Variants in GNAQ observed in about 807,000 individuals in gnomAD.
The protein encoded by GNAQ is guanine nucleotide-binding protein G(q) subunit alpha.
A neutral mutation model predicts 43.9 loss-of-function variants in GNAQ; 8 were observed. The observed-to-expected ratio is 0.18, with a 90% CI of 0.11 to 0.33. The LOEUF is 0.33. GNAQ is among the 10% of genes least tolerant of loss of function. The pLI is 1.00. For synonymous variants in GNAQ, 155 were observed against 170.7 expected (o/e 0.91, Z 0.71); for missense variants, 158 against 450.8 (o/e 0.35, Z 5.88).
chr9:78,009,608 A>C (rs1823749444), intron 1 of GNAQ, among the ~76,000 whole-genome samples: 1 of 152,194 alleles, frequency 6.6e-6, no homozygotes, highest in African/African-American at 2.4e-5. Context: ...AAACTTCCCT[A>C]TCTTTACTGA....
intron 1 of GNAQ, among the ~76,000 whole-genome samples, chr9:78,023,330 T>C (rs1823934802): frequency 6.6e-6 from 1 of 152,216 alleles, no homozygotes; most frequent in South Asian, 2.1e-4. Flanking sequence ...CACAGCCACA[T>C]GATGTCTCAC....
chr9:77,764,605 G>A (rs925731046), intron 5 of GNAQ, among the ~76,000 whole-genome samples: 2 of 151,944 alleles, frequency 1.3e-5, no homozygotes, highest in South Asian at 2.1e-4. Context: ...ACAGGTGCCC[G>A]CCACCATGCC....
At chr9:77,796,237 G>C (rs182808273) in intron 4 of GNAQ, among the ~76,000 whole-genome samples, 1 of 152,274 alleles carries the variant, frequency 6.6e-6, no homozygotes, top group African/African-American at 2.4e-5. Flanking sequence ...AGCCAGATTT[G>C]ACCTCAGGTA....
chr9:77,840,609 T>A (rs1030320482), intron 2 of GNAQ, among the ~76,000 whole-genome samples: 5 of 152,174 alleles, frequency 3.3e-5, no homozygotes, highest in Non-Finnish European at 7.4e-5. Flanking sequence ...AGTGCTGGGA[T>A]TACAGGAGTG....
intron 2 of GNAQ, among the ~76,000 whole-genome samples, chr9:77,838,570 A>T (rs950749389): frequency 6.6e-6 from 1 of 151,782 alleles, no homozygotes; most frequent in African/African-American, 2.4e-5. Flanking sequence ...CTGCCTCATG[A>T]TGGGAAATAG....
rs531761233 is a variant in GNAQ at position 77,792,980 on chromosome 9, C to G, written c.735+1483G>C. Among the ~76,000 whole-genome samples, 20 of 152,032 alleles carry G rather than the reference C, an allele frequency of 1.3e-4. No individual in the cohort carries two copies. In the South Asian group the frequency reaches 4.2e-3, roughly 32 times the overall value. ...CCCCATTTTTGTGTCTTTTTAGATA[C>G]TCTGGTACCCAGCATATAGTAGGGA... On this transcript the variant is annotated intron_variant, in intron 5 of 6. Coordinates refer to ENST00000286548, the MANE Select transcript of GNAQ (RefSeq NM_002072.5).
chr9:77,995,157 A>G (rs958013082), intron 1 of GNAQ, among the ~76,000 whole-genome samples: 3 of 152,242 alleles, frequency 2.0e-5, no homozygotes, highest in East Asian at 1.9e-4. Flanking sequence ...ATATGAATGT[A>G]TGAGATAGCA....
intron 3 of GNAQ, among the ~76,000 whole-genome samples, chr9:77,804,855 A>G (rs933633541): frequency 2.3e-4 from 35 of 152,264 alleles, no homozygotes; most frequent in Non-Finnish European, 5.9e-5. Flanking sequence ...TATTGAAAAG[A>G]AGGTTAGAAA....
In GNAQ at chr9:77,901,236, C is replaced by T. The variant is rs373212958; in HGVS notation, c.321+20925G>A. 1.6e-4 allele frequency among the ~76,000 whole-genome samples: 24 copies of T among 152,246 alleles called. No homozygotes were observed. In the South Asian group the frequency reaches 2.3e-3, roughly 14 times the overall value. On this transcript the variant is annotated intron_variant, in intron 2 of 6. Coordinates refer to ENST00000286548, the MANE Select transcript of GNAQ (RefSeq NM_002072.5). ...ACACAAACTCCTATCACATCTGTTT[C>T]CTGCCCAAGGGCTCTTGGGCAGCCT...
At chr9:77,756,302 G>T (rs1254614427) in intron 5 of GNAQ, among the ~76,000 whole-genome samples, 1 of 152,172 alleles carries the variant, frequency 6.6e-6, no homozygotes, top group Non-Finnish European at 1.5e-5. Flanking sequence ...TTACAAGCTG[G>T]GTGGGAACCA....
At chr9:77,894,651 G>A (rs1427479483) in intron 2 of GNAQ, among the ~76,000 whole-genome samples, 1 of 151,084 alleles carries the variant, frequency 6.6e-6, no homozygotes, top group Non-Finnish European at 1.5e-5. Context: ...TAGATCCCTT[G>A]ACCTTGTGAT....
intron 2 of GNAQ, among the ~76,000 whole-genome samples, chr9:77,848,860 C>T (rs1267010992): frequency 6.6e-6 from 1 of 152,088 alleles, no homozygotes; most frequent in Non-Finnish European, 1.5e-5. Flanking sequence ...ACAAGCAACA[C>T]TAAAAATACA....
intron 2 of GNAQ, among the ~76,000 whole-genome samples, chr9:77,884,583 G>C (rs966044512): frequency 6.6e-6 from 1 of 152,164 alleles, no homozygotes; most frequent in Non-Finnish European, 1.5e-5. Context: ...TGGAGAATAA[G>C]TTCTCCACCC....
At chr9:77,821,058 A>G (rs562858390) in intron 2 of GNAQ, among the ~76,000 whole-genome samples, 2 of 152,358 alleles carry the variant, frequency 1.3e-5, no homozygotes, top group East Asian at 3.9e-4. Flanking sequence ...TATGTTAAAT[A>G]CAATGTTCTA....
In GNAQ at chr9:77,862,107, C is replaced by T. The variant is rs558360150; in HGVS notation, c.322-46337G>A. 2.0e-5 allele frequency among the ~76,000 whole-genome samples: 3 copies of T among 151,738 alleles called. No homozygotes were observed. In the East Asian group the frequency reaches 5.9e-4, roughly 30 times the overall value. ...TTTGCAGGGTATACCCCTCTCCTGG[C>T]TGCTTTCACAGGCATGCGTTGAGTG... On this transcript the variant is annotated intron_variant, in intron 2 of 6. Coordinates refer to ENST00000286548, the MANE Select transcript of GNAQ (RefSeq NM_002072.5).
intron 1 of GNAQ, among the ~76,000 whole-genome samples, chr9:77,977,445 T>C (rs1587441780): frequency 6.6e-6 from 1 of 151,402 alleles, no homozygotes; most frequent in Non-Finnish European, 1.5e-5. Flanking sequence ...AAAATTGAGC[T>C]CCCTCTTGAA....
intron 1 of GNAQ, among the ~76,000 whole-genome samples, chr9:77,959,748 T>TA (rs201621351): frequency 3.3e-5 from 5 of 152,112 alleles, no homozygotes; most frequent in South Asian, 2.1e-4. Flanking sequence ...ACTCAAAGTA[T>TA]AAAAAAAATC....
intron 1 of GNAQ, among the ~76,000 whole-genome samples, chr9:78,002,067 C>T (rs1383980131): frequency 6.6e-6 from 1 of 152,046 alleles, no homozygotes; most frequent in African/African-American, 2.4e-5. Flanking sequence ...AATGAAAAAC[C>T]TTGATGCCAT....
intron 5 of GNAQ, among the ~76,000 whole-genome samples, chr9:77,754,159 C>T (rs10123004): frequency 2.0e-5 from 3 of 152,312 alleles, no homozygotes; most frequent in African/African-American, 7.2e-5. Context: ...CATAGGCAGG[C>T]CTTCCTCAGG....
Sources: allele counts gnomAD v4.1 joint callset (sites outside exome capture counted in the v4.1 genomes callset), GRCh38; gene constraint gnomAD v4.1.1; transcripts MANE v1.5; gene names NCBI Gene and HGNC (gene_info 2026-07-23, HGNC 2026-07-21).